The following EVI5 variants were observed in gnomAD, a reference collection of about 807,000 sequenced individuals.
The protein encoded by EVI5 is ecotropic viral integration site 5 protein homolog.
In EVI5, 73 loss-of-function variants were observed where a neutral mutation model predicts 112.0. That is an observed-to-expected ratio of 0.65 (90% CI 0.54 to 0.79). EVI5 has a LOEUF of 0.79. Among genes scored for constraint, EVI5 ranks in the 30% least tolerant of loss-of-function variants. The pLI, the probability that EVI5 is intolerant of heterozygous loss-of-function variation, is 0.00. For missense variants in EVI5, 900 were observed against 968.8 expected, an observed-to-expected ratio of 0.93 and a Z score of 0.94; for synonymous variants, 305 against 319.9, an observed-to-expected ratio of 0.95 and a Z score of 0.50.
At chr1:92,576,080 G>T (rs982109652) in intron 18 of EVI5, among the ~76,000 whole-genome samples, 4 of 152,236 alleles carry the variant, frequency 2.6e-5, no homozygotes, top group African/African-American at 9.6e-5. Context: ...AAAGGATTAA[G>T]TATAGAAGAC....
chr1:92,549,351 G>C lies in EVI5; in HGVS notation c.2166+14291C>G, dbSNP rs557335452. Among the ~76,000 whole-genome samples the C allele has an allele frequency of 2.6e-5, 4 of 152,208 alleles. No homozygotes were observed. The South Asian group carries it at 8.3e-4, about 32-fold the overall frequency. On this transcript the variant is annotated intron_variant, in intron 19 of 19. Transcript: ENST00000684568. ...ACACCTTATACTAAAATTAATTCAA[G>C]ATGAATTAAAGACTTAAATGTTAGA...
chr1:92,609,873 CTTTT>C lies in EVI5; in HGVS notation c.1828-2150_1828-2147del, dbSNP rs1275842976. On this transcript the variant is annotated intron_variant, in intron 16 of 19. Transcript: ENST00000684568. ...CTCTAGTCGTTCTCATTCTCTCTCT[CTTTT>C]TTGTTTTTTTTTTTTTAGATAGGGT... 7.6e-5 allele frequency among the ~76,000 whole-genome samples: 11 copies of C among 144,272 alleles called. No homozygotes were observed. In the East Asian group the frequency reaches 1.2e-3, roughly 15 times the overall value. 94.6% of individuals were successfully genotyped at this position (144,272 alleles called of 152,430 possible).
intron 1 of EVI5, among the ~76,000 whole-genome samples, chr1:92,772,864 C>G (rs1683606578): frequency 6.7e-6 from 1 of 148,758 alleles, no homozygotes; most frequent in Non-Finnish European, 1.5e-5. Context: ...CGAGATTGCA[C>G]CATTGCACTC....
intron 18 of EVI5, among the ~76,000 whole-genome samples, chr1:92,599,528 A>T (rs992480521): frequency 2.6e-5 from 4 of 152,080 alleles, no homozygotes; most frequent in Non-Finnish European, 4.4e-5. Flanking sequence ...ATACCTCTAT[A>T]TATCTATATT....
intron 6 of EVI5, among the ~76,000 whole-genome samples, chr1:92,696,465 A>C (rs571171214): frequency 1.5e-4 from 23 of 152,150 alleles, no homozygotes; most frequent in African/African-American, 3.9e-4. Context: ...ATTAAAAAAT[A>C]AAAAATCAAA....
At position 92,703,795 on chromosome 1, in the gene EVI5, T is replaced by C. The variant is rs1367066817; in HGVS notation, c.340-176A>G. 5 of 565,152 alleles carry C rather than the reference T, an allele frequency of 8.8e-6. No individual in the cohort carries two copies. In the East Asian group the frequency reaches 9.5e-5, roughly 11 times the overall value. 35.0% of individuals were successfully genotyped at this position (565,152 alleles called of 1,614,324 possible). Reference sequence around the variant, plus strand: ...GTAAGTCAAGGGTAAGATTGGGCCCTGGGTGTATCCTCTTCTGGTCAGGGG... The same window carrying C: ...GTAAGTCAAGGGTAAGATTGGGCCCCGGGTGTATCCTCTTCTGGTCAGGGG... On this transcript the variant is annotated intron_variant, in intron 3 of 19. Transcript: ENST00000684568.
chr1:92,684,324 A>G (rs1668129028), intron 9 of EVI5, among the ~76,000 whole-genome samples: 1 of 152,202 alleles, frequency 6.6e-6, no homozygotes, highest in East Asian at 1.9e-4. Flanking sequence ...TGAAGGAGAA[A>G]TAAAATTCTT....
chr1:92,641,159 C>T (rs1309661261), intron 13 of EVI5, among the ~76,000 whole-genome samples: 1 of 151,900 alleles, frequency 6.6e-6, no homozygotes, highest in Non-Finnish European at 1.5e-5. Flanking sequence ...CAAACCTGCA[C>T]ATTCTGCACA....
chr1:92,662,957 TAAA>T (rs11411366), intron 12 of EVI5, 92 bp from the exon 13 acceptor site: 55 of 306,102 alleles, frequency 1.8e-4, no homozygotes, highest in Non-Finnish European at 2.2e-4. Context: ...TTTGACATGT[TAAA>T]AAAAAAAAAA....
At chr1:92,627,346 T>C (rs1455293931) in intron 14 of EVI5, among the ~76,000 whole-genome samples, 1 of 152,248 alleles carries the variant, frequency 6.6e-6, no homozygotes, top group Non-Finnish European at 1.5e-5. Flanking sequence ...GTTAATTCGT[T>C]CCTTTTTATG....
chr1:92,552,578 T>C (rs1293812150), intron 19 of EVI5, among the ~76,000 whole-genome samples: 1 of 152,238 alleles, frequency 6.6e-6, no homozygotes. Context: ...ACTTTACAAT[T>C]CCACCTGGTT....
chr1:92,632,006 A>T, intron 14 of EVI5, among the ~76,000 whole-genome samples: 1 of 151,840 alleles, frequency 6.6e-6, no homozygotes, highest in Admixed American at 6.6e-5. Context: ...ATGTTGAACC[A>T]GCCTTGCATC....
rs6603979 is a variant in EVI5 at position 92,513,797 on chromosome 1, A to G, written c.2340T>C (p.Gly780=). The G allele has an allele frequency of 0.82, 1,326,028 of 1,612,986 alleles. 547,967 individuals are homozygous for G. Among genetic ancestry groups the G allele is most frequent in the East Asian group, 0.97 (43,640 of 44,840 alleles). ...GVGFPLHGKS[G]SMSLDPAVAD... ...CCACTGCGGGGTCCAAAGACATCGAACCAGATTTTCCGTGCAAAGGAAAAC... is the reference window on the plus strand; with the variant it reads ...CCACTGCGGGGTCCAAAGACATCGAGCCAGATTTTCCGTGCAAAGGAAAAC... Residue 780 remains glycine (G), a synonymous_variant, in exon 20 of 20, where the codon GGT becomes GGC. Coordinates refer to ENST00000684568, the MANE Select transcript of EVI5 (RefSeq NM_001350197.2).
rs372144299 is a variant in EVI5 at position 92,605,361 on chromosome 1, A to C, written c.2016T>G (p.Asp672Glu). ...GTAGTTCAGCCACAGCAGCTATGCTATCTGCTTCCCGAAGCCTCACAGCCA... is the reference window on the plus strand; with the variant it reads ...GTAGTTCAGCCACAGCAGCTATGCTCTCTGCTTCCCGAAGCCTCACAGCCA... ...EVMAVRLREA[D>E]SIAAVAELRQ... The change falls in exon 18 of 20, where the codon GAT becomes GAG. Residue 672 changes from aspartate to glutamate, a missense_variant. Coordinates refer to ENST00000684568, the MANE Select transcript of EVI5 (RefSeq NM_001350197.2). 10 of 1,613,688 alleles carry C rather than the reference A, an allele frequency of 6.2e-6. No individual in the cohort carries two copies. The African/African-American group carries it at 1.3e-4, about 22-fold the overall frequency.
At chr1:92,568,699 C>G (rs1251026146) in intron 18 of EVI5, among the ~76,000 whole-genome samples, 1 of 152,134 alleles carries the variant, frequency 6.6e-6, no homozygotes, top group Admixed American at 6.5e-5. Context: ...CAAGACAACC[C>G]CTTCTCTTCC....
intron 2 of EVI5, among the ~76,000 whole-genome samples, chr1:92,727,181 T>C (rs12743005): frequency 6.6e-6 from 1 of 152,026 alleles, no homozygotes; most frequent in African/African-American, 2.4e-5. Flanking sequence ...GAAAATATAT[T>C]AGTGGTTACC....
intron 10 of EVI5, 121 bp downstream of exon 10, chr1:92,677,037 A>G (rs1276570272): frequency 1.5e-6 from 1 of 655,210 alleles, no homozygotes; most frequent in South Asian, 2.1e-5. Flanking sequence ...GTCTATTTTT[A>G]ACTATAATCT....
intron 18 of EVI5, among the ~76,000 whole-genome samples, chr1:92,589,571 G>T (rs1396033220): frequency 1.3e-5 from 2 of 152,298 alleles, no homozygotes; most frequent in African/African-American, 4.8e-5. Context: ...CTGGGGGAGG[G>T]GCGCCTGCCA....
At chr1:92,706,912 T>C (rs556116159) in intron 2 of EVI5, among the ~76,000 whole-genome samples, 1 of 152,268 alleles carries the variant, frequency 6.6e-6, no homozygotes, top group African/African-American at 2.4e-5. Flanking sequence ...CCGGGCGTGG[T>C]GGCTCATGCC....
Sources: allele counts gnomAD v4.1 joint callset (sites outside exome capture counted in the v4.1 genomes callset), GRCh38; gene constraint gnomAD v4.1.1; transcripts MANE v1.5; gene names NCBI Gene and HGNC (gene_info 2026-07-23, HGNC 2026-07-21).